Variants in POLD3 observed in about 807,000 individuals in gnomAD.
POLD3 encodes DNA polymerase delta 3, accessory subunit.
POLD3 carries 19 observed loss-of-function variants against 58.2 expected under a neutral mutation model. The ratio of observed to expected loss-of-function variants is 0.33; its 90% CI spans 0.23 to 0.48. POLD3 has a LOEUF of 0.48. Ranked by LOEUF, POLD3 falls within the 20% of genes least tolerant of loss-of-function variation. POLD3 has a pLI of 0.99. For synonymous variants in POLD3, 172 were observed against 193.5 expected (o/e 0.89, Z 0.92); for missense variants, 504 against 545.5 (o/e 0.92, Z 0.76).
rs149567597 is a variant in POLD3, at chr11:74,598,225, T to C, written c.116+4109T>C. 4.5e-4 allele frequency among the ~76,000 whole-genome samples: 68 copies of C among 152,338 alleles called. 1 individual carries two copies. The East Asian group carries it at 0.012, about 27-fold the overall frequency. ...CTGAAATGTATAAATATTGACTATA[T>C]CTTCTAGGAATCACTTGGAGTTGAT... is the stretch of plus-strand genomic sequence containing the variant. On this transcript the variant is annotated intron_variant, in intron 2 of 11. Coordinates refer to ENST00000263681, the MANE Select transcript of POLD3 (RefSeq NM_006591.3).
chr11:74,638,761 T>C (rs1346302179), intron 11 of POLD3: 3 of 446,370 alleles, frequency 6.7e-6, no homozygotes, highest in Non-Finnish European at 9.0e-6. Context: ...AAGATCTTGC[T>C]AAAATTGAAA....
At position 74,641,298 on chromosome 11, in the gene POLD3, G is replaced by A; in HGVS notation, c.*532G>A. On this transcript the variant is annotated 3_prime_UTR_variant, in exon 12 of 12. Transcript: ENST00000263681. ...TCTTTTAAGTTTTGGTTGGACTAAA[G>A]GCTGAAGTGAAAATCTCCCTGTAAT... 1 of 985,522 alleles carries A rather than the reference G, an allele frequency of 1.0e-6. No individual in the cohort carries two copies. The highest frequency in any genetic ancestry group is 1.2e-6 in the Non-Finnish European group (1 of 830,008). The allele number at this position is 985,522 out of a possible 1,614,324, so 61.0% of individuals were successfully genotyped here. A position where few individuals can be genotyped will look rare whatever the true frequency, so the allele number is the denominator to read the frequency against.
chr11:74,605,443 C>G (rs2031642012), intron 3 of POLD3, among the ~76,000 whole-genome samples: 1 of 152,136 alleles, frequency 6.6e-6, no homozygotes, highest in Non-Finnish European at 1.5e-5. Flanking sequence ...TTCTATTACT[C>G]CCATGCCTTG....
chr11:74,633,617 T>C (rs1365049966), intron 9 of POLD3, among the ~76,000 whole-genome samples: 2 of 152,216 alleles, frequency 1.3e-5, no homozygotes, highest in African/African-American at 2.4e-5. Flanking sequence ...ACTTTCTTTG[T>C]GGTGATTGAG....
chr11:74,597,288 A>G (rs2080580447), intron 2 of POLD3, among the ~76,000 whole-genome samples: 1 of 152,018 alleles, frequency 6.6e-6, no homozygotes, highest in Admixed American at 6.5e-5. Flanking sequence ...CTTCTGACAT[A>G]ATATCTAAGA....
chr11:74,625,794 G>T (rs969902230), intron 8 of POLD3, among the ~76,000 whole-genome samples: 1 of 151,884 alleles, frequency 6.6e-6, no homozygotes, highest in Admixed American at 6.6e-5. Context: ...GACCAAAGTC[G>T]TGTTTTTGGC....
intron 3 of POLD3, among the ~76,000 whole-genome samples, chr11:74,607,389 A>G (rs1043658116): frequency 6.7e-6 from 1 of 149,912 alleles, no homozygotes; most frequent in Non-Finnish European, 1.5e-5. Context: ...CAGCCTCCTG[A>G]GTAGCTGGGA....
At chr11:74,596,315 C>T (rs766717311) in intron 2 of POLD3, among the ~76,000 whole-genome samples, 1 of 151,394 alleles carries the variant, frequency 6.6e-6, no homozygotes, top group Non-Finnish European at 1.5e-5. Flanking sequence ...TCCGAGGTAG[C>T]TGGGACTACA....
downstream of POLD3, among the ~76,000 whole-genome samples, chr11:74,647,739 G>T (rs2033018158): frequency 6.6e-6 from 1 of 152,156 alleles, no homozygotes; most frequent in Admixed American, 6.5e-5. Flanking sequence ...GTACATATTT[G>T]TACATTTCAC....
chr11:74,596,819 G>A (rs115260657), intron 2 of POLD3, among the ~76,000 whole-genome samples: 1 of 152,104 alleles, frequency 6.6e-6, no homozygotes. Context: ...ACTTCCGTGA[G>A]ATCACCTTTT....
intron 2 of POLD3, among the ~76,000 whole-genome samples, chr11:74,604,284 T>C (rs564956942): frequency 6.6e-6 from 1 of 152,332 alleles, no homozygotes; most frequent in East Asian, 1.9e-4. Flanking sequence ...TAATCTAATA[T>C]AACCCTCCTG....
intron 3 of POLD3, among the ~76,000 whole-genome samples, chr11:74,607,874 A>G (rs2031752249): frequency 6.6e-6 from 1 of 152,226 alleles, no homozygotes; most frequent in African/African-American, 2.4e-5. Context: ...CTAGGATTAC[A>G]GAAGTGAGCC....
intron 4 of POLD3, among the ~76,000 whole-genome samples, chr11:74,654,609 A>G (rs112686093): frequency 2.0e-5 from 3 of 152,296 alleles, no homozygotes; most frequent in African/African-American, 7.2e-5. Context: ...CCCTCAAGTA[A>G]AAATAGTGGG....
intron 8 of POLD3, among the ~76,000 whole-genome samples, chr11:74,627,032 A>T (rs989008680): frequency 6.6e-6 from 1 of 152,192 alleles, no homozygotes; most frequent in African/African-American, 2.4e-5. Flanking sequence ...TATACTTTTT[A>T]TCATTTTAGA....
At chr11:74,623,279 C>CA (rs2032321817) in intron 7 of POLD3, among the ~76,000 whole-genome samples, 1 of 151,918 alleles carries the variant, frequency 6.6e-6, no homozygotes, top group Admixed American at 6.6e-5. Flanking sequence ...TAAAAAAATA[C>CA]AAAAAATTAG....
chr11:74,596,628 T>G (rs2031269545), intron 2 of POLD3, among the ~76,000 whole-genome samples: 1 of 151,536 alleles, frequency 6.6e-6, no homozygotes, highest in Non-Finnish European at 1.5e-5. Flanking sequence ...TGAAAACATT[T>G]AATGTCTACC....
intron 7 of POLD3, among the ~76,000 whole-genome samples, chr11:74,620,483 A>G (rs533924834): frequency 2.5e-4 from 38 of 152,260 alleles, no homozygotes; most frequent in African/African-American, 7.7e-4. Context: ...TATTTCTTCT[A>G]TCTCTCAAGG....
At chr11:74,650,001 A>C (rs1470938351) in intron 4 of POLD3, among the ~76,000 whole-genome samples, 1 of 152,210 alleles carries the variant, frequency 6.6e-6, no homozygotes, top group Non-Finnish European at 1.5e-5. Flanking sequence ...CGTGACTCCC[A>C]GAAAGTCACC....
intron 7 of POLD3, among the ~76,000 whole-genome samples, chr11:74,623,643 A>G (rs1204842779): frequency 6.6e-6 from 1 of 152,182 alleles, no homozygotes; most frequent in Non-Finnish European, 1.5e-5. Context: ...TTTAAAAGTA[A>G]CGCTTTATAT....
Sources: allele counts gnomAD v4.1 joint callset (sites outside exome capture counted in the v4.1 genomes callset), GRCh38; gene constraint gnomAD v4.1.1; transcripts MANE v1.5; gene names NCBI Gene and HGNC (gene_info 2026-07-23, HGNC 2026-07-21).